MBP: variants seen among roughly 807,000 people sequenced by gnomAD.
MBP encodes the protein Golli-MBP.
In MBP, 16 loss-of-function variants were observed where a neutral mutation model predicts 35.8. The observed-to-expected ratio is 0.45, with a 90% CI of 0.30 to 0.68. The LOEUF (loss-of-function observed/expected upper bound fraction) is 0.68. Ranked by LOEUF, MBP falls within the 30% of genes least tolerant of loss-of-function variation. MBP has a pLI of 0.08. For synonymous variants in MBP, 143 were observed against 159.6 expected (o/e 0.90, Z 0.78); for missense variants, 380 against 404.7 (o/e 0.94, Z 0.52).
At chr18:76,990,199 T>A (rs1969817216) in intron 4 of MBP, 139 bp from the exon 5 acceptor site, 2 of 598,530 alleles carry the variant, frequency 3.3e-6, no homozygotes, top group Admixed American at 6.3e-5. Context: ...TATTAAGGAC[T>A]ATTGTGATAG....
At chr18:77,035,643 C>T (rs751721288) in intron 3 of MBP, among the ~76,000 whole-genome samples, 2 of 150,958 alleles carry the variant, frequency 1.3e-5, no homozygotes, top group Non-Finnish European at 3.0e-5. Flanking sequence ...TGACACCACA[C>T]GTCACGCTGC....
chr18:77,003,625 G>A (rs1328705281), intron 4 of MBP: 1 of 152,156 alleles, frequency 6.6e-6, no homozygotes, highest in African/African-American at 2.4e-5. Flanking sequence ...AGGTATATTT[G>A]ATATAATTTT....
chr18:77,059,616 A>T (rs952104996), intron 3 of MBP, among the ~76,000 whole-genome samples: 1 of 152,100 alleles, frequency 6.6e-6, no homozygotes, highest in African/African-American at 2.4e-5. Context: ...TTTTGCTTAA[A>T]AAATCAGGGG....
chr18:77,000,729 G>GT (rs1223112302), intron 4 of MBP, among the ~76,000 whole-genome samples: 5 of 151,944 alleles, frequency 3.3e-5, no homozygotes, highest in Admixed American at 6.6e-5. Flanking sequence ...TTTTGTTTTT[G>GT]TTTTTTTATT....
intron 2 of MBP, chr18:77,067,708 C>T (rs971571946): frequency 7.1e-6 from 3 of 420,870 alleles, no homozygotes; most frequent in South Asian, 3.4e-5. Context: ...CTCCCTGCAG[C>T]GCCCCACCCT....
chr18:77,008,916 TC>T (rs1476550857), intron 4 of MBP, among the ~76,000 whole-genome samples: 3 of 152,034 alleles, frequency 2.0e-5, no homozygotes, highest in Admixed American at 2.0e-4. Context: ...GTGTAAATGG[TC>T]CCCCCTTGCC....
intron 3 of MBP, among the ~76,000 whole-genome samples, chr18:77,041,784 G>C (rs1427971417): frequency 8.6e-6 from 1 of 116,286 alleles, no homozygotes; most frequent in Non-Finnish European, 1.7e-5. Flanking sequence ...GTTGTGGGGT[G>C]GGGGGAGGGG....
intron 3 of MBP, among the ~76,000 whole-genome samples, chr18:77,030,120 C>CTCAGGCAATGGTTAGGAGGCTGGGAA (rs1412298691): frequency 2.0e-5 from 3 of 152,092 alleles, no homozygotes; most frequent in African/African-American, 4.8e-5. Flanking sequence ...TCCCCAGAGG[C>CTCAGGCAATGGTTAGGAGGCTGGGAA]TCAGGCAATG....
chr18:77,027,876 A>G (rs575532887), intron 3 of MBP, among the ~76,000 whole-genome samples: 2 of 152,222 alleles, frequency 1.3e-5, no homozygotes, highest in Admixed American at 6.5e-5. Context: ...TTTTGTAAAG[A>G]CAAGGTCTTG....
At chr18:77,039,738 G>A (rs745822487) in intron 3 of MBP, among the ~76,000 whole-genome samples, 5 of 152,166 alleles carry the variant, frequency 3.3e-5, no homozygotes, top group Admixed American at 3.3e-4. Context: ...TCTGAAATCA[G>A]GTAGGAGCTG....
intron 2 of MBP, among the ~76,000 whole-genome samples, chr18:77,091,727 A>G (rs1975533894): frequency 6.6e-6 from 1 of 151,618 alleles, no homozygotes; most frequent in South Asian, 2.1e-4. Context: ...ACATACACAC[A>G]TATACACACC....
Position 77,013,026 on chromosome 18 carries a change from T to C in MBP, c.576+3806A>G, listed in dbSNP as rs1463796654. The C allele has an allele frequency of 6.1e-6, 6 of 985,308 alleles. No homozygotes were observed. The African/African-American group carries it at 8.7e-5, about 14-fold the overall frequency. The allele number at this position is 985,308 out of a possible 1,614,324, so 61.0% of individuals were successfully genotyped here. A position where few individuals can be genotyped will look rare whatever the true frequency, so the allele number is the denominator to read the frequency against. On this transcript the variant is annotated intron_variant, in intron 4 of 8. Transcript: ENST00000355994. ...TTCATACAACAGCAACAACTGCAGC[T>C]CCTGAGACCACAGAAGGACACAGTG... is the stretch of plus-strand genomic sequence containing the variant.
At chr18:77,030,885 A>C (rs977671165) in intron 3 of MBP, among the ~76,000 whole-genome samples, 1 of 152,144 alleles carries the variant, frequency 6.6e-6, no homozygotes, top group Non-Finnish European at 1.5e-5. Flanking sequence ...TCTTATGGGG[A>C]CCAGTTGTCA....
chr18:76,982,744 G>A (rs949887983), intron 8 of MBP: 3 of 152,204 alleles, frequency 2.0e-5, no homozygotes, highest in African/African-American at 4.8e-5. Context: ...TGGGGGAGCT[G>A]ATTTATTAAT....
At chr18:76,986,760 T>G in intron 7 of MBP, 6 of 985,502 alleles carry the variant, frequency 6.1e-6, no homozygotes, top group Non-Finnish European at 7.2e-6. Flanking sequence ...CGTTAAGTCC[T>G]TCTGTCTTAC....
chr18:77,129,782 C>A (rs888613831), intron 1 of MBP, among the ~76,000 whole-genome samples: 1 of 152,136 alleles, frequency 6.6e-6, no homozygotes, highest in Non-Finnish European at 1.5e-5. Context: ...GTAATCCCAG[C>A]ACTTTGGGAG....
intron 4 of MBP, among the ~76,000 whole-genome samples, chr18:76,995,150 C>G (rs1295626701): frequency 6.6e-6 from 1 of 152,150 alleles, no homozygotes; most frequent in Admixed American, 6.6e-5. Context: ...ATGTACAGAA[C>G]TTTAAAGCTA....
At chr18:77,000,539 A>G (rs1970572208) in intron 4 of MBP, among the ~76,000 whole-genome samples, 1 of 152,224 alleles carries the variant, frequency 6.6e-6, no homozygotes, top group African/African-American at 2.4e-5. Flanking sequence ...ATTTATTTGT[A>G]AAAGAAATTC....
chr18:77,108,034 C>T (rs974010056), intron 1 of MBP, among the ~76,000 whole-genome samples: 38 of 152,290 alleles, frequency 2.5e-4, no homozygotes, highest in East Asian at 3.9e-4. Context: ...CCCTGAGCAC[C>T]GGTAAGTGAG....
Sources: gnomAD v4.1 joint callset for allele counts (sites outside exome capture counted in the v4.1 genomes callset) on GRCh38, gnomAD v4.1.1 for gene constraint, MANE v1.5 for transcripts, NCBI Gene and HGNC (gene_info 2026-07-23, HGNC 2026-07-21) for gene names.